The following PLCG2 variants were observed in gnomAD, a reference collection of about 807,000 sequenced individuals.
PLCG2 encodes 1-phosphatidylinositol 4,5-bisphosphate phosphodiesterase gamma-2.
Under a neutral mutation model 175.6 loss-of-function variants are expected in PLCG2, and 69 were observed. That is an observed-to-expected ratio of 0.39 (90% CI 0.32 to 0.48). PLCG2 has a LOEUF of 0.48. Ranked by LOEUF, PLCG2 falls within the 20% of genes least tolerant of loss-of-function variation. The pLI is 0.91. For synonymous variants in PLCG2, 827 were observed against 624.0 expected (o/e 1.33, Z -4.85); for missense variants, 1,798 against 1,650.9 (o/e 1.09, Z -1.54).
intron 2 of PLCG2, among the ~76,000 whole-genome samples, chr16:81,794,082 C>T (rs909863098): frequency 6.6e-6 from 1 of 152,122 alleles, no homozygotes; most frequent in Non-Finnish European, 1.5e-5. Context: ...AGAGGACTTG[C>T]TCTGCCAGGT....
At chr16:81,957,015 C>G (rs1381288355) in intron 32 of PLCG2, 136 bp downstream of exon 32, 1 of 539,444 alleles carries the variant, frequency 1.9e-6, no homozygotes, top group African/African-American at 4.5e-5. Context: ...TGGTGGCTCA[C>G]AGGCCAGGCA....
At chr16:81,940,853 G>A (rs565289686) in intron 30 of PLCG2, among the ~76,000 whole-genome samples, 32 of 152,238 alleles carry the variant, frequency 2.1e-4, no homozygotes, top group African/African-American at 7.2e-4. Context: ...CTTTCCCACT[G>A]GATTTTAGGT....
At position 81,907,768 on chromosome 16, in the gene PLCG2, G is replaced by T; in HGVS notation, c.1551G>T (p.Val517=). 1 of 1,612,610 alleles carries T rather than the reference G, an allele frequency of 6.2e-7. No individual in the cohort carries two copies. The highest frequency in any genetic ancestry group is 8.5e-7 in the Non-Finnish European group (1 of 1,178,960). Residue 517 remains valine (V), a synonymous_variant, in exon 16 of 33, where the codon GTG becomes GTT. Transcript: ENST00000564138. ...DDIEQTMEEE[V]PQDIPPTELH... Reference sequence around the variant, plus strand: ...TTGAACAGACTATGGAGGAGGAAGTGCCCCAGGTAGGGGGACACCCTAGCC... The same window carrying T: ...TTGAACAGACTATGGAGGAGGAAGTTCCCCAGGTAGGGGGACACCCTAGCC...
chr16:81,952,268 T>C lies in PLCG2; in HGVS notation c.3571-4427T>C, dbSNP rs1257224404. On this transcript the variant is annotated intron_variant, in intron 31 of 32. Transcript: ENST00000564138. ...AACTCAAGTTACATATATATTTATA[T>C]ATATATATTCACACGTAGATGAATA... Among the ~76,000 whole-genome samples, 5 of 152,074 alleles carry C rather than the reference T, an allele frequency of 3.3e-5. No homozygotes were observed. In the East Asian group the frequency reaches 9.6e-4, roughly 29 times the overall value.
In PLCG2 at chr16:81,826,515, A is replaced by G. The variant is rs534102678; in HGVS notation, c.194-27929A>G. 2.6e-5 allele frequency among the ~76,000 whole-genome samples: 4 copies of G among 152,368 alleles called. No individual in the cohort carries two copies. The South Asian group carries it at 8.3e-4, about 32-fold the overall frequency. ...GCAATAATAGTAGGACCTATCTCAC[A>G]GCAGTGTTTTAGAATTCAATGTAAC... On this transcript the variant is annotated intron_variant, in intron 2 of 32. Transcript: ENST00000564138.
rs142172570 is a variant in PLCG2, at chr16:81,827,329, G to C, written c.194-27115G>C. The stretch of plus-strand genomic sequence containing the variant: ...CTCCCAAGTACCTGGGACCACAGGT[G>C]TATGCTCCCATGCGCAGCTATTTTT... On this transcript the variant is annotated intron_variant, in intron 2 of 32. Transcript: ENST00000564138. 7.9e-5 allele frequency among the ~76,000 whole-genome samples: 12 copies of C among 152,060 alleles called. No homozygotes were observed. In the East Asian group the frequency reaches 2.3e-3, roughly 29 times the overall value.
chr16:81,876,033 T>G (rs1442745435), intron 7 of PLCG2, among the ~76,000 whole-genome samples: 1 of 143,132 alleles, frequency 7.0e-6, no homozygotes, highest in African/African-American at 2.6e-5. Flanking sequence ...TTTTTTTTTT[T>G]TTTTGTTTTT....
chr16:81,898,956 G>T (rs914526934), intron 13 of PLCG2, among the ~76,000 whole-genome samples: 12 of 150,944 alleles, frequency 7.9e-5, no homozygotes, highest in Non-Finnish European at 1.3e-4. Flanking sequence ...AGGCTGAGGC[G>T]GGTGGATCAA....
At chr16:81,900,522 C>T (rs1176824215) in intron 13 of PLCG2, 90 bp from the exon 14 acceptor site, 30 of 1,201,722 alleles carry the variant, frequency 2.5e-5, no homozygotes, top group Middle Eastern at 6.0e-4. Flanking sequence ...CGGTTTCTGT[C>T]GTCCCAGGGA....
intron 2 of PLCG2, among the ~76,000 whole-genome samples, chr16:81,815,354 C>A (rs1904496900): frequency 6.6e-6 from 1 of 152,146 alleles, no homozygotes; most frequent in African/African-American, 2.4e-5. Flanking sequence ...ACAGTGAGAT[C>A]CTTCTGTGTA....
intron 18 of PLCG2, 39 bp downstream of exon 18, chr16:81,910,759 C>G: frequency 6.4e-7 from 1 of 1,569,124 alleles, no homozygotes; most frequent in Non-Finnish European, 8.7e-7. Flanking sequence ...AGGCGGTGGT[C>G]GGGTTAGCTC....
intron 30 of PLCG2, among the ~76,000 whole-genome samples, chr16:81,943,194 G>A (rs1210577940): frequency 2.0e-5 from 3 of 152,152 alleles, no homozygotes; most frequent in Admixed American, 6.5e-5. Context: ...GTATTAGTCC[G>A]TTCTCACACT....
chr16:81,802,721 G>A (rs1052895454), intron 2 of PLCG2, among the ~76,000 whole-genome samples: 7 of 151,898 alleles, frequency 4.6e-5, no homozygotes, highest in Admixed American at 3.3e-4. Context: ...ACAGGCATGC[G>A]CCACCACGCC....
At chr16:81,805,757 GTTTTGTTTTGTTTTTT>G (rs1414390702) in intron 2 of PLCG2, among the ~76,000 whole-genome samples, 9 of 60,218 alleles carry the variant, frequency 1.5e-4, no homozygotes, top group Middle Eastern at 8.9e-3. Flanking sequence ...TGAGAGTAGT[GTTTTGTTTTGTTTTTT>G]TTTTTTTTTG....
chr16:81,866,036 C>T (rs1222123327), intron 5 of PLCG2, among the ~76,000 whole-genome samples: 1 of 137,984 alleles, frequency 7.2e-6, no homozygotes, highest in Non-Finnish European at 1.6e-5. Flanking sequence ...TCCACTGGGG[C>T]ACCAGCATGA....
At position 81,960,336 on chromosome 16, in the gene PLCG2, C is replaced by A; in HGVS notation, c.*2338C>A. On this transcript the variant is annotated 3_prime_UTR_variant, in exon 33 of 33. Transcript: ENST00000564138. Reference sequence around the variant, plus strand: ...TTCCTACATGACTGTTAAAGCACAGCCAATCCAGGCCAAGAAGACTAGTAA... The same window carrying A: ...TTCCTACATGACTGTTAAAGCACAGACAATCCAGGCCAAGAAGACTAGTAA... The A allele has an allele frequency of 4.6e-6, 1 of 219,018 alleles. No individual in the cohort carries two copies. Among genetic ancestry groups the A allele is most frequent in the Non-Finnish European group, 9.1e-6 (1 of 109,342 alleles). The allele number at this position is 219,018 out of a possible 1,614,324, so 13.6% of individuals were successfully genotyped here.
At chr16:81,814,447 C>G (rs1350432239) in intron 2 of PLCG2, among the ~76,000 whole-genome samples, 2 of 152,066 alleles carry the variant, frequency 1.3e-5, no homozygotes, top group Non-Finnish European at 2.9e-5. Context: ...AATCCCAGCA[C>G]TTGTGGAGAT....
At chr16:81,899,270 GTATATA>G (rs369588165) in intron 13 of PLCG2, among the ~76,000 whole-genome samples, 2 of 147,652 alleles carry the variant, frequency 1.4e-5, no homozygotes, top group African/African-American at 5.0e-5. Context: ...GAGTATGTGT[GTATATA>G]TATATATATA....
At chr16:81,843,567 T>C (rs919037432) in intron 2 of PLCG2, among the ~76,000 whole-genome samples, 6 of 152,226 alleles carry the variant, frequency 3.9e-5, no homozygotes, top group Non-Finnish European at 7.3e-5. Flanking sequence ...TTCGCGTGAA[T>C]ACAAAGCATC....
Sources: allele counts gnomAD v4.1 joint callset (sites outside exome capture counted in the v4.1 genomes callset), GRCh38; gene constraint gnomAD v4.1.1; transcripts MANE v1.5; gene names NCBI Gene and HGNC (gene_info 2026-07-23, HGNC 2026-07-21).